The following CCDC7 variants were observed in gnomAD, a reference collection of about 807,000 sequenced individuals.
The protein encoded by CCDC7 is coiled-coil domain-containing protein 7.
Under a neutral mutation model 196.9 loss-of-function variants are expected in CCDC7, and 183 were observed. The observed-to-expected ratio is 0.93, with a 90% CI of 0.82 to 1.05. The LOEUF (loss-of-function observed/expected upper bound fraction) is 1.05, where lower values mean the gene tolerates loss of function less well. CCDC7 is among the 50% of genes least tolerant of loss of function. The probability of loss-of-function intolerance (pLI) is 0.00; values close to 1 mark genes in which losing one functional copy is unlikely to be tolerated. For missense variants in CCDC7, 1,540 were observed against 1,482.2 expected (o/e 1.04, Z -0.64); for synonymous variants, 525 against 484.6 (o/e 1.08, Z -1.10).
At chr10:32,714,303 G>A (rs1019871790) in intron 25 of CCDC7, among the ~76,000 whole-genome samples, 1 of 152,194 alleles carries the variant, frequency 6.6e-6, no homozygotes, top group Non-Finnish European at 1.5e-5. Context: ...AAGGGGTCAG[G>A]GAACTCCTTC....
intron 21 of CCDC7, among the ~76,000 whole-genome samples, 169 bp from the exon 23 acceptor site, chr10:32,685,801 A>G (rs1301082957): frequency 6.6e-6 from 1 of 152,234 alleles, no homozygotes; most frequent in Admixed American, 6.5e-5. Context: ...CAGCCATTAA[A>G]ATTCTTTTCA....
At chr10:32,657,567 G>A (rs1271364086) in intron 20 of CCDC7, among the ~76,000 whole-genome samples, 2 of 152,162 alleles carry the variant, frequency 1.3e-5, no homozygotes, top group African/African-American at 2.4e-5. Context: ...TGGGATGTAG[G>A]GCACCATGTC....
intron 24 of CCDC7, among the ~76,000 whole-genome samples, chr10:32,702,499 G>C (rs1006790130): frequency 1.3e-5 from 2 of 152,166 alleles, no homozygotes; most frequent in African/African-American, 4.8e-5. Context: ...ATATTCTGTT[G>C]ATTTGGGGTG....
At chr10:32,676,481 G>A (rs1249644988) in intron 21 of CCDC7, among the ~76,000 whole-genome samples, 1 of 151,392 alleles carries the variant, frequency 6.6e-6, no homozygotes, top group Admixed American at 6.6e-5. Context: ...CTGACAAAGG[G>A]CTAATATCCA....
Position 32,711,913 on chromosome 10 carries a change from TGTC to T in CCDC7, c.2569+186_2569+188del, listed in dbSNP as rs199980837. On this transcript the variant is annotated intron_variant, in intron 25 of 41. Coordinates refer to ENST00000639629, the Ensembl canonical transcript of CCDC7. ...ATGATATGTTTTGGTTAGAATTTCTTGTCGTAATATTATTACACAACTTAATTT... is the reference window on the plus strand; with the variant it reads ...ATGATATGTTTTGGTTAGAATTTCTTGTAATATTATTACACAACTTAATTT... Among the ~76,000 whole-genome samples, 449 of 152,370 alleles carry T rather than the reference TGTC, an allele frequency of 2.9e-3. 4 individuals are homozygous for T. Among genetic ancestry groups the T allele is most frequent in the Non-Finnish European group, 4.7e-3 (317 of 68,044 alleles).
intron 40 of CCDC7, 139 bp downstream of exon 41, chr10:32,852,071 A>C (rs1020532219): frequency 3.3e-5 from 27 of 809,984 alleles, no homozygotes; most frequent in South Asian, 2.8e-4. Context: ...AGTTAAGTGC[A>C]CCTAACATTT....
At chr10:32,601,452 G>A (rs1039307329) in intron 18 of CCDC7, among the ~76,000 whole-genome samples, 1 of 152,206 alleles carries the variant, frequency 6.6e-6, no homozygotes, top group African/African-American at 2.4e-5. Flanking sequence ...GACAAAGTTG[G>A]TTCTGATAGT....
chr10:32,754,174 C>T (rs1301312251), intron 28 of CCDC7, among the ~76,000 whole-genome samples: 2 of 152,030 alleles, frequency 1.3e-5, no homozygotes, highest in Admixed American at 1.3e-4. Context: ...TAGATTTTGA[C>T]TTTTAAAGCT....
chr10:32,511,262 G>C (rs1355432288), intron 9 of CCDC7: 14 of 480,158 alleles, frequency 2.9e-5, no homozygotes, highest in South Asian at 5.1e-5. Flanking sequence ...TGTGGGGGGC[G>C]GGGGGGGCGG....
At chr10:32,588,719 T>C (rs1337593783) in intron 18 of CCDC7, among the ~76,000 whole-genome samples, 3 of 152,120 alleles carry the variant, frequency 2.0e-5, no homozygotes, top group Admixed American at 2.0e-4. Flanking sequence ...GTGAGGAGAA[T>C]TGGTGTTAAA....
At chr10:32,746,981 G>A (rs928371389) in intron 28 of CCDC7, among the ~76,000 whole-genome samples, 3 of 152,198 alleles carry the variant, frequency 2.0e-5, no homozygotes, top group African/African-American at 7.2e-5. Flanking sequence ...CAGTGCTGCT[G>A]CCTAGTCACC....
chr10:32,615,052 C>T (rs1257993950), intron 18 of CCDC7, among the ~76,000 whole-genome samples: 1 of 152,092 alleles, frequency 6.6e-6, no homozygotes, highest in Non-Finnish European at 1.5e-5. Context: ...CCTCCACATA[C>T]ACTACATTCT....
chr10:32,557,983 AT>A (rs2054640475), intron 13 of CCDC7, among the ~76,000 whole-genome samples: 4 of 152,134 alleles, frequency 2.6e-5, no homozygotes, highest in African/African-American at 4.8e-5. Flanking sequence ...GTGGGCATGC[AT>A]TTTTTATAGC....
chr10:32,609,241 C>T (rs2138665839), intron 18 of CCDC7, among the ~76,000 whole-genome samples: 1 of 152,138 alleles, frequency 6.6e-6, no homozygotes, highest in Admixed American at 6.5e-5. Context: ...TAGAGTCGAT[C>T]TTTACCTTTA....
At chr10:32,834,942 A>G (rs376456243) in intron 33 of CCDC7, 44 bp downstream of exon 34, 66 of 792,002 alleles carry the variant, frequency 8.3e-5, no homozygotes, top group Non-Finnish European at 1.3e-4. Flanking sequence ...TGGCTTATTT[A>G]GCTCTGAAGT....
chr10:32,599,926 T>G (rs1367692101), intron 18 of CCDC7, among the ~76,000 whole-genome samples: 1 of 152,168 alleles, frequency 6.6e-6, no homozygotes, highest in Non-Finnish European at 1.5e-5. Flanking sequence ...CAATTTATGT[T>G]TTTGTGTGGT....
chr10:32,510,398 C>G (rs932864511), intron 9 of CCDC7, among the ~76,000 whole-genome samples: 22 of 152,118 alleles, frequency 1.4e-4, no homozygotes, highest in Admixed American at 5.2e-4. Flanking sequence ...GCATTGTATA[C>G]TTAAAATTTT....
chr10:32,443,701 T>G (rs1420882597), upstream of CCDC7, among the ~76,000 whole-genome samples: 2 of 152,232 alleles, frequency 1.3e-5, no homozygotes, highest in Non-Finnish European at 2.9e-5. Flanking sequence ...TTACTATAAC[T>G]TTATAACTCT....
At chr10:32,831,096 A>G (rs1450291933) in intron 32 of CCDC7, among the ~76,000 whole-genome samples, 1 of 152,170 alleles carries the variant, frequency 6.6e-6, no homozygotes, top group Non-Finnish European at 1.5e-5. Flanking sequence ...TATCTAGGCT[A>G]TATTGTATAG....
Sources: allele counts gnomAD v4.1 joint callset (sites outside exome capture counted in the v4.1 genomes callset), GRCh38; gene constraint gnomAD v4.1.1; transcripts MANE v1.5; gene names NCBI Gene and HGNC (gene_info 2026-07-23, HGNC 2026-07-21).